WDR70: variants seen among roughly 807,000 people sequenced by gnomAD.
WDR70 encodes WD repeat domain 70, also known as WD repeat-containing protein 70.
Under a neutral mutation model 88.6 loss-of-function variants are expected in WDR70, and 53 were observed. The ratio of observed to expected loss-of-function variants is 0.60; its 90% CI spans 0.48 to 0.75. The LOEUF is 0.75. WDR70 is among the 30% of genes least tolerant of loss of function. The pLI is 0.00. For missense variants in WDR70, 610 were observed against 823.2 expected (o/e 0.74, Z 3.17); for synonymous variants, 280 against 270.0 (o/e 1.04, Z -0.36).
At chr5:37,637,475 T>A (rs867525101) in intron 10 of WDR70, among the ~76,000 whole-genome samples, 1 of 152,164 alleles carries the variant, frequency 6.6e-6, no homozygotes, top group Non-Finnish European at 1.5e-5. Context: ...TAAGCCCTCA[T>A]CTCACACACC....
chr5:37,546,090 A>G (rs1438393083), intron 9 of WDR70, among the ~76,000 whole-genome samples: 1 of 152,186 alleles, frequency 6.6e-6, no homozygotes, highest in African/African-American at 2.4e-5. Context: ...ATCAGGGAAG[A>G]GTTATTTATA....
chr5:37,412,466 G>A (rs1749555659), intron 5 of WDR70, among the ~76,000 whole-genome samples: 1 of 151,506 alleles, frequency 6.6e-6, no homozygotes, highest in Non-Finnish European at 1.5e-5. Context: ...TTTTTTTAGG[G>A]ATGAAGGAGG....
At chr5:37,517,770 A>C (rs1740933391) in intron 9 of WDR70, among the ~76,000 whole-genome samples, 1 of 151,338 alleles carries the variant, frequency 6.6e-6, no homozygotes, top group Non-Finnish European at 1.5e-5. Flanking sequence ...TAATCACATC[A>C]TGTAAAATGG....
chr5:37,683,517 T>A (rs563679574), intron 10 of WDR70, among the ~76,000 whole-genome samples: 1 of 152,184 alleles, frequency 6.6e-6, no homozygotes, highest in Non-Finnish European at 1.5e-5. Context: ...TCTTCAGGAC[T>A]GCTTATAAGG....
chr5:37,521,742 C>CACACA (rs1741100692), intron 9 of WDR70, among the ~76,000 whole-genome samples: 12 of 128,778 alleles, frequency 9.3e-5, no homozygotes, highest in Non-Finnish European at 1.7e-4. Flanking sequence ...ACACACACAC[C>CACACA]CACATGTTCT....
chr5:37,731,339 G>A (rs2112714039), intron 17 of WDR70, among the ~76,000 whole-genome samples: 1 of 152,292 alleles, frequency 6.6e-6, no homozygotes, highest in African/African-American at 2.4e-5. Flanking sequence ...TAATGTCAAT[G>A]TGGTTGTTCA....
intron 9 of WDR70, among the ~76,000 whole-genome samples, chr5:37,522,819 C>T (rs1409513700): frequency 6.6e-6 from 1 of 152,222 alleles, no homozygotes; most frequent in African/African-American, 2.4e-5. Context: ...GCAAACGGCA[C>T]ACCAGGAGAT....
chr5:37,697,382 AGTCTT>A (rs1247595472), intron 10 of WDR70, among the ~76,000 whole-genome samples: 5 of 152,228 alleles, frequency 3.3e-5, no homozygotes, highest in African/African-American at 4.8e-5. Context: ...AAGTTATTGT[AGTCTT>A]GTCTTGTATA....
chr5:37,561,787 A>G (rs905504999), intron 9 of WDR70, among the ~76,000 whole-genome samples: 2 of 152,200 alleles, frequency 1.3e-5, no homozygotes, highest in East Asian at 3.8e-4. Flanking sequence ...GTAAATTAGA[A>G]AGGTTCTCTG....
chr5:37,597,258 CT>C (rs1247088145), intron 9 of WDR70, among the ~76,000 whole-genome samples: 1 of 152,086 alleles, frequency 6.6e-6, no homozygotes, highest in Non-Finnish European at 1.5e-5. Context: ...ATATATTTAA[CT>C]TTATAAGAAA....
intron 9 of WDR70, among the ~76,000 whole-genome samples, chr5:37,566,575 G>C (rs1345886370): frequency 6.6e-6 from 1 of 151,958 alleles, no homozygotes; most frequent in Non-Finnish European, 1.5e-5. Context: ...AATAAACTTT[G>C]CAATTTTTCT....
chr5:37,551,561 C>T (rs1742145802), intron 9 of WDR70, among the ~76,000 whole-genome samples: 1 of 151,616 alleles, frequency 6.6e-6, no homozygotes, highest in Admixed American at 6.6e-5. Flanking sequence ...AACCCTGTCT[C>T]TACTAAAAAT....
At chr5:37,580,408 C>T (rs988287398) in intron 9 of WDR70, among the ~76,000 whole-genome samples, 5 of 152,184 alleles carry the variant, frequency 3.3e-5, no homozygotes, top group African/African-American at 1.2e-4. Context: ...CTGGATATTA[C>T]CTACCATTGC....
intron 17 of WDR70, among the ~76,000 whole-genome samples, chr5:37,735,813 G>T (rs1216895943): frequency 6.6e-6 from 1 of 152,180 alleles, no homozygotes; most frequent in Non-Finnish European, 1.5e-5. Context: ...TGTCAGTGAT[G>T]AAATGAAGAT....
At chr5:37,619,917 G>GTTTTTTT (rs35802405) in intron 10 of WDR70, 2 of 120,092 alleles carry the variant, frequency 1.7e-5, no homozygotes, top group African/African-American at 3.1e-5. Context: ...TATTTACCAG[G>GTTTTTTT]TTTTTTTTTT....
Position 37,616,913 on chromosome 5 carries a change from A to G in WDR70, c.1092+11675A>G, listed in dbSNP as rs145786534. ...TAAATCATTGTTCCTTAAACTTACT[A>G]TCAAATAATTGTGTTTTATAAGTTG... On this transcript the variant is annotated intron_variant, in intron 10 of 17. Transcript: ENST00000265107. Among the ~76,000 whole-genome samples the G allele has an allele frequency of 5.9e-3, 906 of 152,292 alleles. 34 individuals carry two copies. The highest frequency in any genetic ancestry group is 0.053 in the Admixed American group (811 of 15,290).
At chr5:37,738,179 C>CATATT (rs1471205714) in intron 17 of WDR70, among the ~76,000 whole-genome samples, 9 of 152,072 alleles carry the variant, frequency 5.9e-5, no homozygotes, top group Non-Finnish European at 1.3e-4. Flanking sequence ...TTCATCTGGG[C>CATATT]CATATTCATT....
chr5:37,455,243 C>CTTTT (rs544303522), intron 7 of WDR70, among the ~76,000 whole-genome samples: 107 of 123,028 alleles, frequency 8.7e-4, no homozygotes, highest in African/African-American at 1.4e-3. Context: ...TTCTTTCTTT[C>CTTTT]TTTTTTTTTT....
chr5:37,721,039 G>T, intron 13 of WDR70, 76 bp from the exon 14 acceptor site: 1 of 1,196,894 alleles, frequency 8.4e-7, no homozygotes, highest in Non-Finnish European at 1.2e-6. Flanking sequence ...TAGTAGACTA[G>T]CCATCAAAGT....
Sources: gnomAD v4.1 joint callset for allele counts (sites outside exome capture counted in the v4.1 genomes callset) on GRCh38, gnomAD v4.1.1 for gene constraint, MANE v1.5 for transcripts, NCBI Gene and HGNC (gene_info 2026-07-23, HGNC 2026-07-21) for gene names.